GAS2: variants seen among roughly 807,000 people sequenced by gnomAD.
GAS2 encodes growth arrest specific 2.
A neutral mutation model predicts 37.5 loss-of-function variants in GAS2; 20 were observed. The ratio of observed to expected loss-of-function variants is 0.53; its 90% CI spans 0.37 to 0.77. The LOEUF (loss-of-function observed/expected upper bound fraction) is 0.77, where lower values mean the gene tolerates loss of function less well. Ranked by LOEUF, GAS2 falls within the 30% of genes least tolerant of loss-of-function variation. The pLI is 0.00. For synonymous variants in GAS2, 144 were observed against 132.2 expected, an observed-to-expected ratio of 1.09 and a Z score of -0.61; for missense variants, 336 against 373.4, an observed-to-expected ratio of 0.90 and a Z score of 0.82.
At chr11:22,663,586 C>T (rs1848940606), upstream of GAS2, among the ~76,000 whole-genome samples, 2 of 151,944 alleles carry the variant, frequency 1.3e-5, no homozygotes, top group South Asian at 2.1e-4. Context: ...ATTTATGCTA[C>T]TGTTGTGTTG....
intron 6 of GAS2, chr11:22,755,533 C>G (rs777889050): frequency 1.6e-5 from 3 of 190,226 alleles, no homozygotes; most frequent in Non-Finnish European, 3.3e-5. Flanking sequence ...TCTTTTTAGT[C>G]CTCCAAAAGT....
At chr11:22,681,236 C>T (rs1036080861) in intron 2 of GAS2, among the ~76,000 whole-genome samples, 1 of 152,090 alleles carries the variant, frequency 6.6e-6, no homozygotes, top group Non-Finnish European at 1.5e-5. Flanking sequence ...AAACATATTT[C>T]TGGGAGGAAT....
chr11:22,680,822 A>G (rs1300123120), intron 2 of GAS2, among the ~76,000 whole-genome samples: 1 of 152,192 alleles, frequency 6.6e-6, no homozygotes, highest in Non-Finnish European at 1.5e-5. Flanking sequence ...CAAACATTTA[A>G]GTAGTCAAGC....
chr11:22,672,080 A>T (rs557637727), intron 1 of GAS2, among the ~76,000 whole-genome samples: 1 of 152,256 alleles, frequency 6.6e-6, no homozygotes, highest in South Asian at 2.1e-4. Context: ...CAGTGACTTT[A>T]GGTTTCTACA....
intron 5 of GAS2, among the ~76,000 whole-genome samples, chr11:22,744,274 G>A (rs899628336): frequency 2.6e-5 from 4 of 152,028 alleles, no homozygotes; most frequent in African/African-American, 9.7e-5. Context: ...TTAAGGAATA[G>A]GGACACCTCC....
At chr11:22,736,655 G>C (rs1362687680) in intron 4 of GAS2, among the ~76,000 whole-genome samples, 1 of 152,030 alleles carries the variant, frequency 6.6e-6, no homozygotes, top group Non-Finnish European at 1.5e-5. Flanking sequence ...GAATATTTAA[G>C]TGAATAGAAT....
intron 7 of GAS2, among the ~76,000 whole-genome samples, chr11:22,808,686 G>A: frequency 6.6e-6 from 1 of 152,200 alleles, no homozygotes. Flanking sequence ...CAGGGGCATT[G>A]ATACCAAGAA....
intron 7 of GAS2, among the ~76,000 whole-genome samples, chr11:22,800,080 A>G (rs1856595738): frequency 6.6e-6 from 1 of 152,130 alleles, no homozygotes; most frequent in South Asian, 2.1e-4. Context: ...GTAGGACTAC[A>G]TGCAGTATAG....
At position 22,749,188 on chromosome 11, in the gene GAS2, C is replaced by A. The variant is rs1853586896; in HGVS notation, c.542C>A (p.Ala181Asp). The change falls in exon 6 of 8, where the codon GCC becomes GAC. Residue 181 changes from alanine (A) to aspartate (D), a missense_variant. Ala to Asp is a moderately radical substitution (Grantham distance 126). Transcript: ENST00000454584. ...ATTGAACAAGAAGAAACACTTTCTG[C>A]CCCTTCTCCTTCACCTTCTCCTTCA... ...KEIEQEETLS[A>D]PSPSPSPSSK... is the part of the protein sequence containing the mutation. The A allele has an allele frequency of 1.6e-5, 25 of 1,612,268 alleles. No homozygotes were observed. Among genetic ancestry groups the A allele is most frequent in the Non-Finnish European group, 2.1e-5 (25 of 1,178,852 alleles).
chr11:22,675,436 C>G (rs1453055384), intron 2 of GAS2, among the ~76,000 whole-genome samples: 3 of 152,160 alleles, frequency 2.0e-5, no homozygotes, highest in Admixed American at 6.5e-5. Flanking sequence ...CTGCTGAATA[C>G]CCAAACTCAG....
chr11:22,765,602 AC>A (rs1347377059), intron 7 of GAS2, among the ~76,000 whole-genome samples: 1 of 152,010 alleles, frequency 6.6e-6, no homozygotes, highest in East Asian at 1.9e-4. Flanking sequence ...ACACTGTGAA[AC>A]CCTGTCTCTA....
chr11:22,726,505 CAA>C (rs2134166975), intron 4 of GAS2, 72 bp downstream of exon 4: 5 of 1,398,054 alleles, frequency 3.6e-6, no homozygotes, highest in Non-Finnish European at 4.9e-6. Context: ...GTATAGCCAT[CAA>C]AAAGTTTTTT....
intron 3 of GAS2, among the ~76,000 whole-genome samples, chr11:22,701,465 A>T (rs1372686283): frequency 6.6e-6 from 1 of 152,082 alleles, no homozygotes; most frequent in East Asian, 1.9e-4. Context: ...CAAGGAGTTT[A>T]CTCTCTATTA....
At chr11:22,753,641 C>T (rs936493594) in intron 6 of GAS2, among the ~76,000 whole-genome samples, 1 of 152,062 alleles carries the variant, frequency 6.6e-6, no homozygotes, top group Non-Finnish European at 1.5e-5. Flanking sequence ...TGCTGTCAGT[C>T]TGATTTTCTT....
chr11:22,756,090 T>C (rs1854020954), intron 7 of GAS2, 137 bp downstream of exon 7: 6 of 612,118 alleles, frequency 9.8e-6, no homozygotes, highest in Non-Finnish European at 1.7e-5. Context: ...TTTTTTAAAG[T>C]AACATACATT....
At chr11:22,647,826 T>C (rs557304318) in intron 1 of GAS2, among the ~76,000 whole-genome samples, 6 of 152,022 alleles carry the variant, frequency 3.9e-5, no homozygotes, top group Admixed American at 2.0e-4. Context: ...GATATTAGCC[T>C]TTTGTCAGAT....
At chr11:22,647,419 A>G (rs1052351964) in intron 1 of GAS2, among the ~76,000 whole-genome samples, 5 of 152,142 alleles carry the variant, frequency 3.3e-5, no homozygotes, top group East Asian at 3.9e-4. Context: ...ATGATTTATA[A>G]TCCTTTGGGT....
rs541260890 is a variant in GAS2 at position 22,727,925 on chromosome 11, A to G, written c.409+1492A>G. Among the ~76,000 whole-genome samples, 11 of 152,176 alleles carry G rather than the reference A, an allele frequency of 7.2e-5. 1 individual carries two copies. In the South Asian group the frequency reaches 1.7e-3, roughly 23 times the overall value. ...AATAAAATTGCTTACAAGATCTGGTAAATGTTAAGATCGTGTAAAAATATA... is the reference window on the plus strand; with the variant it reads ...AATAAAATTGCTTACAAGATCTGGTGAATGTTAAGATCGTGTAAAAATATA... On this transcript the variant is annotated intron_variant, in intron 4 of 7. Coordinates refer to ENST00000454584, the MANE Select transcript of GAS2 (RefSeq NM_001143830.3).
At chr11:22,776,660 G>T (rs935746373) in intron 7 of GAS2, among the ~76,000 whole-genome samples, 3 of 152,076 alleles carry the variant, frequency 2.0e-5, no homozygotes, top group African/African-American at 4.8e-5. Flanking sequence ...ATTTATAGGA[G>T]GTAGGAACCA....
Sources: gnomAD v4.1 joint callset for allele counts (sites outside exome capture counted in the v4.1 genomes callset) on GRCh38, gnomAD v4.1.1 for gene constraint, MANE v1.5 for transcripts, NCBI Gene and HGNC (gene_info 2026-07-23, HGNC 2026-07-21) for gene names.